ADTRP: variants seen among roughly 807,000 people sequenced by gnomAD.
ADTRP encodes the protein androgen-dependent TFPI-regulating protein.
In ADTRP, 20 loss-of-function variants were observed where a neutral mutation model predicts 27.0. The ratio of observed to expected loss-of-function variants is 0.74; its 90% CI spans 0.52 to 1.08. The LOEUF is 1.08. ADTRP is among the 50% of genes least tolerant of loss of function. The pLI is 0.00. For synonymous variants in ADTRP, 101 were observed against 105.2 expected, an observed-to-expected ratio of 0.96 and a Z score of 0.25; for missense variants, 251 against 275.0, an observed-to-expected ratio of 0.91 and a Z score of 0.62.
chr6:11,771,814 C>G (rs745492042), intron 1 of ADTRP, among the ~76,000 whole-genome samples: 1 of 152,140 alleles, frequency 6.6e-6, no homozygotes, highest in South Asian at 2.1e-4. Context: ...ATGAGGACTA[C>G]AGACACACAC....
At chr6:11,778,551 C>T in intron 1 of ADTRP, 56 bp downstream of exon 1, 3 of 1,552,756 alleles carry the variant, frequency 1.9e-6, no homozygotes, top group East Asian at 2.3e-5. Flanking sequence ...ATATGTGTGG[C>T]AGCACTGATA....
In ADTRP at chr6:11,768,269, G is replaced by A; in HGVS notation, c.268C>T (p.Leu90=). The A allele has an allele frequency of 6.2e-7, 1 of 1,614,216 alleles. No homozygotes were observed. The highest frequency in any genetic ancestry group is 8.5e-7 in the Non-Finnish European group (1 of 1,180,038). ...TAFRDLLFTT[L]AFPVSTFVFL... The stretch of plus-strand genomic sequence containing the variant: ...CTTACCGTGGATACAGGAAAAGCCA[G>A]AGTGGTGAAAAGCAGGTCTCTGAAG... The change falls in exon 2 of 6, where the codon CTG becomes TTG. Residue 90 remains leucine, a synonymous_variant. Coordinates refer to ENST00000414691, the MANE Select transcript of ADTRP (RefSeq NM_032744.4).
At chr6:11,741,748 AC>A (rs1240215890) in intron 3 of ADTRP, among the ~76,000 whole-genome samples, 2 of 151,220 alleles carry the variant, frequency 1.3e-5, no homozygotes, top group African/African-American at 4.9e-5. Context: ...GGATCTTAGG[AC>A]CCTACAATCA....
intron 3 of ADTRP, among the ~76,000 whole-genome samples, chr6:11,763,998 G>A (rs937342566): frequency 1.3e-5 from 2 of 152,106 alleles, no homozygotes; most frequent in Non-Finnish European, 2.9e-5. Flanking sequence ...ATATGACCTG[G>A]GGTAGCTTCC....
At chr6:11,768,090 G>C (rs1763634032) in intron 2 of ADTRP, among the ~76,000 whole-genome samples, 159 bp downstream of exon 2, 1 of 152,228 alleles carries the variant, frequency 6.6e-6, no homozygotes, top group African/African-American at 2.4e-5. Context: ...ATTTCCTAAA[G>C]ACACTGGGCA....
chr6:11,743,114 T>C (rs1448791275), intron 3 of ADTRP, among the ~76,000 whole-genome samples: 1 of 152,252 alleles, frequency 6.6e-6, no homozygotes, highest in Non-Finnish European at 1.5e-5. Context: ...CTTCTGTCTG[T>C]TCTGCAGCCC....
intron 1 of ADTRP, among the ~76,000 whole-genome samples, chr6:11,772,534 G>C (rs920743922): frequency 6.6e-6 from 1 of 152,202 alleles, no homozygotes; most frequent in Admixed American, 6.5e-5. Flanking sequence ...TCCAGGGAGG[G>C]AGATTCCACA....
At chr6:11,771,828 G>A (rs1763789536) in intron 1 of ADTRP, among the ~76,000 whole-genome samples, 1 of 152,134 alleles carries the variant, frequency 6.6e-6, no homozygotes, top group Non-Finnish European at 1.5e-5. Context: ...CACACACAGA[G>A]GGAAGACCAC....
chr6:11,773,471 C>A (rs1289718260), intron 1 of ADTRP, among the ~76,000 whole-genome samples: 1 of 152,176 alleles, frequency 6.6e-6, no homozygotes, highest in East Asian at 1.9e-4. Context: ...CTGAGCTGAG[C>A]TGCTCGTTCA....
At chr6:11,746,785 C>A (rs997893238) in intron 3 of ADTRP, among the ~76,000 whole-genome samples, 4 of 152,152 alleles carry the variant, frequency 2.6e-5, no homozygotes, top group African/African-American at 9.7e-5. Context: ...AGGCCAGGCG[C>A]TTGCCCCTTG....
intron 4 of ADTRP, among the ~76,000 whole-genome samples, chr6:11,730,645 A>G (rs9366877): frequency 0.35 from 52,827 of 152,110 alleles, 10,114 homozygotes; most frequent in Non-Finnish European, 0.44. Context: ...GAACCCAGGA[A>G]GCTTTGCTGA....
At chr6:11,734,072 CA>C (rs923025059) in intron 4 of ADTRP, among the ~76,000 whole-genome samples, 17 of 151,700 alleles carry the variant, frequency 1.1e-4, no homozygotes, top group African/African-American at 4.1e-4. Flanking sequence ...TAAAGACCAC[CA>C]AAAAAAATAC....
At chr6:11,772,410 A>G (rs138013363) in intron 1 of ADTRP, among the ~76,000 whole-genome samples, 2 of 152,326 alleles carry the variant, frequency 1.3e-5, no homozygotes, top group African/African-American at 2.4e-5. Flanking sequence ...AAATCTTCAA[A>G]TCGTGGAAGC....
chr6:11,730,212 G>T (rs2113889571), intron 4 of ADTRP, among the ~76,000 whole-genome samples: 1 of 152,312 alleles, frequency 6.6e-6, no homozygotes, highest in African/African-American at 2.4e-5. Context: ...AGGATGTGTT[G>T]TGTGGCATCT....
At chr6:11,772,926 G>A (rs973444715) in intron 1 of ADTRP, among the ~76,000 whole-genome samples, 1 of 152,178 alleles carries the variant, frequency 6.6e-6, no homozygotes. Flanking sequence ...ATGAGACCAA[G>A]AGCATCAAGG....
chr6:11,765,349 C>A (rs1763534586), intron 3 of ADTRP, among the ~76,000 whole-genome samples: 1 of 82,782 alleles, frequency 1.2e-5, no homozygotes, highest in Non-Finnish European at 2.3e-5. Context: ...TTTTTTGAGG[C>A]AGAGTTTCAC....
intron 3 of ADTRP, among the ~76,000 whole-genome samples, chr6:11,752,651 T>C (rs779217173): frequency 3.3e-5 from 5 of 152,240 alleles, no homozygotes; most frequent in Non-Finnish European, 7.3e-5. Context: ...ATGAAGTGTG[T>C]GATTCCTAGG....
chr6:11,717,545 C>T (rs1761873133), intron 5 of ADTRP: 4 of 1,059,398 alleles, frequency 3.8e-6, no homozygotes, highest in Admixed American at 7.8e-5. Flanking sequence ...AAGATTTACA[C>T]CTATGTATCT....
chr6:11,775,653 G>C (rs1299332506), intron 1 of ADTRP, among the ~76,000 whole-genome samples: 1 of 152,038 alleles, frequency 6.6e-6, no homozygotes, highest in Non-Finnish European at 1.5e-5. Context: ...ATTCTCAATG[G>C]CACCTTAGCC....
Sources: allele counts gnomAD v4.1 joint callset (sites outside exome capture counted in the v4.1 genomes callset), GRCh38; gene constraint gnomAD v4.1.1; transcripts MANE v1.5; gene names NCBI Gene and HGNC (gene_info 2026-07-23, HGNC 2026-07-21).